Variants in CCSER1 observed in about 807,000 individuals in gnomAD.
CCSER1 encodes the protein coiled-coil serine rich protein 1.
CCSER1 carries 41 observed loss-of-function variants against 82.0 expected under a neutral mutation model. The observed-to-expected ratio is 0.50, with a 90% CI of 0.39 to 0.65. The LOEUF (loss-of-function observed/expected upper bound fraction) is 0.65, where lower values mean the gene tolerates loss of function less well. Among genes scored for constraint, CCSER1 ranks in the 30% least tolerant of loss-of-function variants. The pLI is 0.00. For synonymous variants in CCSER1, 414 were observed against 383.9 expected (o/e 1.08, Z -0.92); for missense variants, 1,119 against 1,064.2 (o/e 1.05, Z -0.72).
chr4:90,887,665 C>T (rs905848179), intron 8 of CCSER1, among the ~76,000 whole-genome samples: 1 of 152,116 alleles, frequency 6.6e-6, no homozygotes, highest in African/African-American at 2.4e-5. Flanking sequence ...AGGCAGATCA[C>T]GAGGTCAAGA....
intron 6 of CCSER1, among the ~76,000 whole-genome samples, chr4:90,667,414 T>C (rs1731995864): frequency 6.6e-6 from 1 of 152,110 alleles, no homozygotes; most frequent in South Asian, 2.1e-4. Flanking sequence ...TACCTAGGTA[T>C]ACCTGTGCCA....
intron 9 of CCSER1, among the ~76,000 whole-genome samples, chr4:90,933,173 GT>G (rs1478405532): frequency 5.2e-5 from 6 of 114,922 alleles, no homozygotes; most frequent in African/African-American, 2.3e-4. Context: ...GTGTGTGTGT[GT>G]GTGTGTGTGA....
chr4:90,629,029 A>T lies in CCSER1; in HGVS notation c.1932+797A>T, dbSNP rs920479720. ...TTGTGTCTTTGTATTACATCCTATT[A>T]TATTTAAGTAGATTTATCTTTATTG... On this transcript the variant is annotated intron_variant, in intron 6 of 10. Coordinates refer to ENST00000509176, the MANE Select transcript of CCSER1 (RefSeq NM_001145065.2). Among the ~76,000 whole-genome samples, 10 of 152,100 alleles carry T rather than the reference A, an allele frequency of 6.6e-5. No individual in the cohort carries two copies. In the East Asian group the frequency reaches 7.7e-4, roughly 12 times the overall value.
chr4:90,278,563 C>T (rs1350874124), intron 1 of CCSER1, among the ~76,000 whole-genome samples: 1 of 151,944 alleles, frequency 6.6e-6, no homozygotes, highest in African/African-American at 2.4e-5. Flanking sequence ...CCTAAGTGAA[C>T]TAACCCAGAA....
intron 10 of CCSER1, among the ~76,000 whole-genome samples, chr4:91,124,461 G>C (rs1417855348): frequency 1.3e-5 from 2 of 151,598 alleles, no homozygotes; most frequent in African/African-American, 4.8e-5. Context: ...CTCATGAACA[G>C]TTTCCATCTA....
intron 9 of CCSER1, among the ~76,000 whole-genome samples, chr4:90,927,830 A>G (rs1298992204): frequency 6.6e-6 from 1 of 152,044 alleles, no homozygotes; most frequent in Non-Finnish European, 1.5e-5. Flanking sequence ...AGGAATAAGA[A>G]TGATTAGTTT....
At chr4:91,022,464 A>C (rs1361651233) in intron 9 of CCSER1, among the ~76,000 whole-genome samples, 3 of 152,184 alleles carry the variant, frequency 2.0e-5, no homozygotes, top group South Asian at 2.1e-4. Context: ...GTGCCGCAGT[A>C]AACATACATG....
intron 1 of CCSER1, among the ~76,000 whole-genome samples, chr4:90,239,925 T>A (rs1388317374): frequency 2.6e-5 from 4 of 152,132 alleles, no homozygotes; most frequent in Non-Finnish European, 5.9e-5. Flanking sequence ...GTTAAACTAG[T>A]GAGTTTAATT....
intron 10 of CCSER1, among the ~76,000 whole-genome samples, chr4:91,311,465 A>G (rs1340137496): frequency 6.6e-6 from 1 of 151,870 alleles, no homozygotes; most frequent in Admixed American, 6.6e-5. Context: ...AATAGAGACA[A>G]TATTTTTCAC....
chr4:90,953,415 T>G (rs2150358726), intron 9 of CCSER1, among the ~76,000 whole-genome samples: 1 of 151,778 alleles, frequency 6.6e-6, no homozygotes, highest in Non-Finnish European at 1.5e-5. Flanking sequence ...CTTTTCTTAC[T>G]AGCAATGTTA....
chr4:91,141,648 A>C (rs938407393), intron 10 of CCSER1, among the ~76,000 whole-genome samples: 4 of 152,248 alleles, frequency 2.6e-5, no homozygotes, highest in South Asian at 2.1e-4. Flanking sequence ...AATACTGAGT[A>C]ATGTGACTGC....
At chr4:91,287,749 G>A (rs1743395247) in intron 10 of CCSER1, among the ~76,000 whole-genome samples, 1 of 151,906 alleles carries the variant, frequency 6.6e-6, no homozygotes, top group Non-Finnish European at 1.5e-5. Context: ...GCAGGGAAAA[G>A]TTTTAAGTGG....
chr4:91,251,270 T>G (rs1252383548), intron 10 of CCSER1, among the ~76,000 whole-genome samples: 2 of 152,176 alleles, frequency 1.3e-5, no homozygotes, highest in African/African-American at 4.8e-5. Flanking sequence ...GATTGCCACT[T>G]TCTTGCTGTA....
chr4:91,053,887 T>C (rs6827858), intron 9 of CCSER1, among the ~76,000 whole-genome samples: 28,282 of 152,192 alleles, frequency 0.19, 2,801 homozygotes, highest in African/African-American at 0.24. Flanking sequence ...TTTAGCTGGA[T>C]GTGTAGTTTC....
intron 1 of CCSER1, among the ~76,000 whole-genome samples, chr4:90,131,156 C>T (rs1722762092): frequency 6.6e-6 from 1 of 151,988 alleles, no homozygotes; most frequent in African/African-American, 2.4e-5. Flanking sequence ...CGCCACCACA[C>T]CCAGCTAATT....
chr4:90,187,573 C>G (rs1017619818), intron 1 of CCSER1, among the ~76,000 whole-genome samples: 2 of 151,716 alleles, frequency 1.3e-5, no homozygotes, highest in Admixed American at 1.3e-4. Flanking sequence ...TGAGCCACAG[C>G]GAAGAATGCT....
At chr4:90,900,769 G>C (rs905492931) in intron 8 of CCSER1, among the ~76,000 whole-genome samples, 1 of 151,880 alleles carries the variant, frequency 6.6e-6, no homozygotes, top group Non-Finnish European at 1.5e-5. Context: ...TGTATATTCT[G>C]CAATTTTTGG....
chr4:91,110,981 G>T (rs62312244), intron 10 of CCSER1, among the ~76,000 whole-genome samples: 9,767 of 151,880 alleles, frequency 0.064, 383 homozygotes, highest in Middle Eastern at 0.086. Flanking sequence ...GATGATAATA[G>T]TTGGCACTTC....
chr4:90,751,010 CT>C (rs551302278), intron 7 of CCSER1, among the ~76,000 whole-genome samples: 14 of 152,124 alleles, frequency 9.2e-5, no homozygotes, highest in African/African-American at 2.6e-4. Context: ...CTGAAAATAA[CT>C]TTTTTTAACT....
Sources: gnomAD v4.1 joint callset for allele counts (sites outside exome capture counted in the v4.1 genomes callset) on GRCh38, gnomAD v4.1.1 for gene constraint, MANE v1.5 for transcripts, NCBI Gene and HGNC (gene_info 2026-07-23, HGNC 2026-07-21) for gene names.